Variants in FMN1 observed in about 807,000 individuals in gnomAD.
FMN1 encodes formin-1.
Under a neutral mutation model 132.4 loss-of-function variants are expected in FMN1, and 110 were observed. The observed-to-expected ratio is 0.83, with a 90% confidence interval of 0.71 to 0.97. FMN1 has a LOEUF of 0.97. FMN1 is among the 50% of genes least tolerant of loss of function. The pLI is 0.00. For synonymous variants in FMN1, 722 were observed against 651.7 expected, an observed-to-expected ratio of 1.11 and a Z score of -1.64; for missense variants, 1,792 against 1,705.3, an observed-to-expected ratio of 1.05 and a Z score of -0.90.
At chr15:33,123,488 G>A (rs1026752145) in intron 4 of FMN1, among the ~76,000 whole-genome samples, 1 of 152,120 alleles carries the variant, frequency 6.6e-6, no homozygotes, top group Non-Finnish European at 1.5e-5. Flanking sequence ...TAGTATCATA[G>A]CATATTAAGT....
chr15:33,138,945 C>T (rs983376890), intron 4 of FMN1, among the ~76,000 whole-genome samples: 3 of 120,886 alleles, frequency 2.5e-5, no homozygotes, highest in African/African-American at 7.8e-5. Context: ...TGAGTAGGTT[C>T]GTCTAATCTC....
intron 16 of FMN1, among the ~76,000 whole-genome samples, chr15:32,882,612 C>T (rs556842853): frequency 6.6e-6 from 1 of 152,194 alleles, no homozygotes; most frequent in Middle Eastern, 3.4e-3. Context: ...TTTATTATTG[C>T]TTTTAGATTC....
chr15:33,171,849 T>C (rs1401130222), intron 3 of FMN1, among the ~76,000 whole-genome samples: 1 of 152,196 alleles, frequency 6.6e-6, no homozygotes, highest in Non-Finnish European at 1.5e-5. Context: ...TGTGTGTACA[T>C]ATCACTAAAC....
chr15:32,779,153 G>A lies in FMN1; in HGVS notation c.4131-2234C>T, dbSNP rs562407332. Among the ~76,000 whole-genome samples, 8 of 152,268 alleles carry A rather than the reference G, an allele frequency of 5.3e-5. No homozygotes were observed. The South Asian group carries it at 1.7e-3, about 32-fold the overall frequency. The stretch of plus-strand genomic sequence containing the variant: ...GCAAAACTATGGGTTTCCCCATGCT[G>A]GGGAAAATGGGGAGTTATTGCTAAC... On this transcript the variant is annotated intron_variant, in intron 19 of 20. Transcript: ENST00000616417.
intron 2 of FMN1, among the ~76,000 whole-genome samples, chr15:33,189,175 G>C (rs1965988832): frequency 6.6e-6 from 1 of 152,158 alleles, no homozygotes; most frequent in Admixed American, 6.6e-5. Flanking sequence ...TGTGTGATAT[G>C]TTTTATTCAT....
intron 2 of FMN1, among the ~76,000 whole-genome samples, chr15:33,180,708 C>T (rs1287553152): frequency 6.6e-6 from 1 of 150,692 alleles, no homozygotes; most frequent in Non-Finnish European, 1.5e-5. Context: ...CAGCTAGTCA[C>T]ACACAGCCAG....
At chr15:33,083,742 C>T (rs1000614932) in intron 5 of FMN1, among the ~76,000 whole-genome samples, 2 of 152,260 alleles carry the variant, frequency 1.3e-5, no homozygotes, top group Non-Finnish European at 2.9e-5. Flanking sequence ...TGCTGGGCTG[C>T]ATTCCTAGTA....
intron 4 of FMN1, among the ~76,000 whole-genome samples, chr15:33,129,914 T>G (rs1379572301): frequency 6.7e-6 from 1 of 149,298 alleles, no homozygotes; most frequent in African/African-American, 2.5e-5. Context: ...TACCTCAGCC[T>G]CCCAAGTAGC....
chr15:33,119,279 G>A (rs376128432), intron 4 of FMN1, among the ~76,000 whole-genome samples: 1 of 152,094 alleles, frequency 6.6e-6, no homozygotes, highest in Non-Finnish European at 1.5e-5. Context: ...CTCCTGTGCC[G>A]GCACTTCCAA....
chr15:33,079,561 T>G (rs2038366270), intron 5 of FMN1, among the ~76,000 whole-genome samples: 1 of 152,238 alleles, frequency 6.6e-6, no homozygotes, highest in Non-Finnish European at 1.5e-5. Flanking sequence ...AGGCAGAGGT[T>G]GGAGTGAGCT....
At chr15:33,186,621 T>A (rs951942995) in intron 2 of FMN1, among the ~76,000 whole-genome samples, 4 of 152,362 alleles carry the variant, frequency 2.6e-5, no homozygotes, top group Non-Finnish European at 5.9e-5. Context: ...TCACCTATCT[T>A]AAGTTTCAGT....
intron 19 of FMN1, among the ~76,000 whole-genome samples, chr15:32,779,837 T>C (rs2056607489): frequency 6.6e-6 from 1 of 152,212 alleles, no homozygotes; most frequent in African/African-American, 2.4e-5. Flanking sequence ...TTATGTACTG[T>C]ATTCATTCAA....
At chr15:33,115,491 G>GCC (rs11289173) in intron 4 of FMN1, among the ~76,000 whole-genome samples, 28 of 136,068 alleles carry the variant, frequency 2.1e-4, no homozygotes, top group African/African-American at 7.3e-4. Flanking sequence ...TCATCCTTAA[G>GCC]CCCCCCCCCC....
At chr15:33,024,223 ATTTTTTTTTTT>A (rs555760509) in intron 6 of FMN1, among the ~76,000 whole-genome samples, 30 of 88,000 alleles carry the variant, frequency 3.4e-4, no homozygotes, top group East Asian at 9.6e-4. Flanking sequence ...CACCTATCAG[ATTTTTTTTTTT>A]TTTTTTTTTT....
chr15:32,768,833 TTGA>T lies in FMN1; in HGVS notation c.*5474_*5476del, dbSNP rs931779233. On this transcript the variant is annotated 3_prime_UTR_variant, in exon 21 of 21. Coordinates refer to ENST00000616417, the MANE Select transcript of FMN1 (RefSeq NM_001277313.2). ...CGTAGAGGGAATGTAGAAAAATAAA[TTGA>T]TGGCTATATCTAACACCTTCATATA... The T allele has an allele frequency of 6.6e-6, 1 of 152,156 alleles. No individual in the cohort carries two copies. Among genetic ancestry groups the T allele is most frequent in the Non-Finnish European group, 1.5e-5 (1 of 68,028 alleles). 9.4% of individuals were successfully genotyped at this position (152,156 alleles called of 1,614,324 possible).
intron 19 of FMN1, among the ~76,000 whole-genome samples, chr15:32,796,625 T>C (rs573989113): frequency 1.3e-5 from 2 of 152,294 alleles, no homozygotes; most frequent in South Asian, 4.2e-4. Flanking sequence ...AATAGAAAAA[T>C]TCCAGTTAAT....
chr15:32,904,337 C>T (rs1257250064), intron 12 of FMN1, among the ~76,000 whole-genome samples: 1 of 152,144 alleles, frequency 6.6e-6, no homozygotes, highest in Non-Finnish European at 1.5e-5. Flanking sequence ...GAGTAGAAGG[C>T]AGATGCTAAA....
At chr15:32,796,814 C>A (rs2057305953) in intron 19 of FMN1, among the ~76,000 whole-genome samples, 1 of 152,198 alleles carries the variant, frequency 6.6e-6, no homozygotes, top group Non-Finnish European at 1.5e-5. Context: ...TTTCTTAACA[C>A]ACAGATTTTC....
At chr15:32,783,249 C>A (rs1431534585) in intron 19 of FMN1, among the ~76,000 whole-genome samples, 1 of 152,202 alleles carries the variant, frequency 6.6e-6, no homozygotes, top group Non-Finnish European at 1.5e-5. Flanking sequence ...TATATATTCT[C>A]AATTGATAAA....
Sources: gnomAD v4.1 joint callset for allele counts (sites outside exome capture counted in the v4.1 genomes callset) on GRCh38, gnomAD v4.1.1 for gene constraint, MANE v1.5 for transcripts, NCBI Gene and HGNC (gene_info 2026-07-23, HGNC 2026-07-21) for gene names.